DCHS2: variants seen among roughly 807,000 people sequenced by gnomAD.
The protein encoded by DCHS2 is dachsous cadherin-related 2, also known as protocadherin-23.
DCHS2 carries 142 observed loss-of-function variants against 182.4 expected under a neutral mutation model. The observed-to-expected ratio is 0.78, with a 90% CI of 0.68 to 0.89. The LOEUF (loss-of-function observed/expected upper bound fraction) is 0.89, where lower values mean the gene tolerates loss of function less well. Ranked by LOEUF, DCHS2 falls within the 40% of genes least tolerant of loss-of-function variation. DCHS2 has a pLI of 0.00. For missense variants in DCHS2, 4,319 were observed against 4,198.6 expected (o/e 1.03, Z -0.79); for synonymous variants, 1,740 against 1,663.3 (o/e 1.05, Z -1.12).
chr4:154,459,400 G>C (rs752253763), intron 1 of DCHS2, among the ~76,000 whole-genome samples: 6 of 151,854 alleles, frequency 4.0e-5, no homozygotes, highest in Non-Finnish European at 5.9e-5. Context: ...AGAAACAAAA[G>C]AGACTTTAAA....
chr4:154,270,606 T>C (rs1733543278), intron 13 of DCHS2, among the ~76,000 whole-genome samples: 1 of 151,796 alleles, frequency 6.6e-6, no homozygotes, highest in African/African-American at 2.4e-5. Flanking sequence ...TAGAGTAAAA[T>C]ATGATTTGCT....
chr4:154,390,362 G>A (rs766213662), intron 1 of DCHS2, among the ~76,000 whole-genome samples: 5 of 147,152 alleles, frequency 3.4e-5, no homozygotes, highest in Non-Finnish European at 7.4e-5. Context: ...GAGAATATGC[G>A]GTGTTTGGTT....
intron 1 of DCHS2, among the ~76,000 whole-genome samples, chr4:154,414,214 G>A (rs576035236): frequency 3.5e-5 from 5 of 143,860 alleles, no homozygotes; most frequent in African/African-American, 1.3e-4. Context: ...GAGAGATATA[G>A]ATATATGTTC....
At chr4:154,255,749 A>G in intron 15 of DCHS2, 79 bp from the exon 16 acceptor site, 1 of 1,459,506 alleles carries the variant, frequency 6.9e-7, no homozygotes, top group Non-Finnish European at 9.1e-7. Flanking sequence ...GACATGCATT[A>G]AGAAAGAATC....
At position 154,357,187 on chromosome 4, in the gene DCHS2, C is replaced by G. The variant is rs532773515; in HGVS notation, c.2476+9023G>C. ...TGGCCTTTTTGGTGAATGCTTCTGA[C>G]TCTGGCTTTTTTGGAGAAGGCTAAC... is the stretch of plus-strand genomic sequence containing the variant. On this transcript the variant is annotated intron_variant, in intron 3 of 19. Coordinates refer to ENST00000357232, the MANE Select transcript of DCHS2 (RefSeq NM_001358235.2). 2.1e-6 allele frequency: 3 copies of G among 1,462,816 alleles called. No homozygotes were observed. In the Admixed American group the frequency reaches 5.1e-5, roughly 25 times the overall value. 90.6% of individuals were successfully genotyped at this position (1,462,816 alleles called of 1,614,324 possible). A position where few individuals can be genotyped will look rare whatever the true frequency, so the allele number is the denominator to read the frequency against.
chr4:154,325,172 A>G (rs1736228596), intron 7 of DCHS2, among the ~76,000 whole-genome samples: 1 of 152,134 alleles, frequency 6.6e-6, no homozygotes, highest in Non-Finnish European at 1.5e-5. Context: ...TATAGCTCCA[A>G]ATCTCATTCC....
chr4:154,418,058 A>G (rs988794346), intron 1 of DCHS2, among the ~76,000 whole-genome samples: 4 of 152,228 alleles, frequency 2.6e-5, no homozygotes, highest in Non-Finnish European at 5.9e-5. Context: ...CCTTTTTCTG[A>G]ACAAATATTC....
intron 10 of DCHS2, among the ~76,000 whole-genome samples, chr4:154,315,119 A>G (rs1281245573): frequency 6.6e-6 from 1 of 152,228 alleles, no homozygotes; most frequent in African/African-American, 2.4e-5. Flanking sequence ...TGAAAATAGT[A>G]AAAATAGTAA....
At chr4:154,370,484 A>G (rs1164129125) in intron 2 of DCHS2, among the ~76,000 whole-genome samples, 1 of 152,170 alleles carries the variant, frequency 6.6e-6, no homozygotes, top group African/African-American at 2.4e-5. Flanking sequence ...AGAGACTATT[A>G]TTATGCCCTG....
chr4:154,291,074 C>G (rs1734636584), intron 13 of DCHS2, among the ~76,000 whole-genome samples: 1 of 152,008 alleles, frequency 6.6e-6, no homozygotes, highest in Non-Finnish European at 1.5e-5. Context: ...GTGTAAGAAG[C>G]TCAAATAACT....
At chr4:154,365,102 T>G (rs1171189282) in intron 3 of DCHS2, among the ~76,000 whole-genome samples, 3 of 152,164 alleles carry the variant, frequency 2.0e-5, no homozygotes, top group African/African-American at 7.2e-5. Context: ...TCATGATTTC[T>G]AAAAGACAGC....
At chr4:154,355,753 GT>G (rs1444248762) in intron 3 of DCHS2, 1 of 151,928 alleles carries the variant, frequency 6.6e-6, no homozygotes, top group Non-Finnish European at 1.5e-5. Context: ...AAAAATTCCT[GT>G]TACTTAATAA....
At chr4:154,335,526 C>A (rs1271053050) in intron 3 of DCHS2, among the ~76,000 whole-genome samples, 1 of 152,190 alleles carries the variant, frequency 6.6e-6, no homozygotes, top group African/African-American at 2.4e-5. Flanking sequence ...ACTGGCTCTC[C>A]TGGTTCTCAG....
chr4:154,298,057 A>C lies in DCHS2; in HGVS notation c.6257T>G (p.Ile2086Ser). 1 of 1,614,142 alleles carries C rather than the reference A, an allele frequency of 6.2e-7. No homozygotes were observed. The highest frequency in any genetic ancestry group is 8.5e-7 in the Non-Finnish European group (1 of 1,180,008). ...SFAETQSMFS[I>S]DKYTGEIQFQ... ...TTGAATTTCTCCTGTGTATTTATCA[A>C]TAGAAAACATTGACTGGGTCTCTGC... Residue 2086 changes from isoleucine (I) to serine (S), a missense_variant, in exon 13 of 20, where the codon ATT becomes AGT. Ile to Ser is a moderately radical substitution (Grantham distance 142, BLOSUM62 -2). Coordinates refer to ENST00000357232, the MANE Select transcript of DCHS2 (RefSeq NM_001358235.2).
intron 1 of DCHS2, 115 bp downstream of exon 1, chr4:154,489,189 C>G: frequency 1.1e-6 from 1 of 914,686 alleles, no homozygotes; most frequent in East Asian, 2.7e-5. Flanking sequence ...TACCGCCAGT[C>G]TTGTATTTGA....
chr4:154,379,338 C>T (rs1283993873), intron 1 of DCHS2, among the ~76,000 whole-genome samples: 1 of 152,144 alleles, frequency 6.6e-6, no homozygotes, highest in African/African-American at 2.4e-5. Flanking sequence ...CTGGGCAGAA[C>T]CAGTTATATG....
chr4:154,303,262 A>G (rs1463054233), intron 12 of DCHS2, among the ~76,000 whole-genome samples: 1 of 152,052 alleles, frequency 6.6e-6, no homozygotes, highest in Non-Finnish European at 1.5e-5. Context: ...GATGACAGCC[A>G]TGACCCACCG....
intron 1 of DCHS2, chr4:154,486,452 A>G (rs1728589608): frequency 7.7e-7 from 1 of 1,304,614 alleles, no homozygotes; most frequent in Non-Finnish European, 1.0e-6. Flanking sequence ...TCTAGGCAAG[A>G]TTTTGTTTTT....
intron 1 of DCHS2, among the ~76,000 whole-genome samples, chr4:154,386,361 T>C (rs1215260694): frequency 6.6e-6 from 1 of 152,196 alleles, no homozygotes; most frequent in Non-Finnish European, 1.5e-5. Context: ...CTTGGTGTTC[T>C]CTGTGCCTGC....
Sources: allele counts gnomAD v4.1 joint callset (sites outside exome capture counted in the v4.1 genomes callset), GRCh38; gene constraint gnomAD v4.1.1; transcripts MANE v1.5; gene names NCBI Gene and HGNC (gene_info 2026-07-23, HGNC 2026-07-21).